FAM216A: variants seen among roughly 807,000 people sequenced by gnomAD.
The protein encoded by FAM216A is family with sequence similarity 216 member A, also known as protein FAM216A.
A neutral mutation model predicts 37.6 loss-of-function variants in FAM216A; 26 were observed. That is an observed-to-expected ratio of 0.69 (90% CI 0.51 to 0.96). The LOEUF (loss-of-function observed/expected upper bound fraction) is 0.96. Ranked by LOEUF, FAM216A falls within the 40% of genes least tolerant of loss-of-function variation. The pLI is 0.00. For missense variants in FAM216A, 326 were observed against 339.3 expected, an observed-to-expected ratio of 0.96 and a Z score of 0.31; for synonymous variants, 110 against 121.7, an observed-to-expected ratio of 0.90 and a Z score of 0.64.
At chr12:110,478,606 G>A (rs1297466924) in intron 2 of FAM216A, among the ~76,000 whole-genome samples, 2 of 152,068 alleles carry the variant, frequency 1.3e-5, no homozygotes, top group African/African-American at 2.4e-5. Flanking sequence ...AAGATGAAGA[G>A]AGCCACATGT....
chr12:110,486,470 G>C lies in FAM216A; in HGVS notation c.436+16G>C, dbSNP rs747643642. ...CAAAAGCCAGGCAGGTGCACCTCCA[G>C]TTGTCTTTTCACTAGTTTTTACAAT... On this transcript the variant is annotated intron_variant, in intron 4 of 6. Transcript: ENST00000377673. 1 of 1,608,994 alleles carries C rather than the reference G, an allele frequency of 6.2e-7. No individual in the cohort carries two copies. Among genetic ancestry groups the C allele is most frequent in the South Asian group, 1.1e-5 (1 of 90,894 alleles).
chr12:110,479,510 A>G (rs1415469114), intron 2 of FAM216A, among the ~76,000 whole-genome samples: 5 of 151,640 alleles, frequency 3.3e-5, no homozygotes, highest in Admixed American at 2.6e-4. Context: ...AGTAGTTTCT[A>G]AAGTGCTAAC....
chr12:110,486,643 T>C lies in FAM216A; in HGVS notation c.546T>C (p.Ser182=). 6.2e-7 allele frequency: 1 copy of C among 1,614,210 alleles called. No individual in the cohort carries two copies. Among genetic ancestry groups the C allele is most frequent in the Non-Finnish European group, 8.5e-7 (1 of 1,180,036 alleles). Residue 182 remains serine, a synonymous_variant, in exon 5 of 7, where the codon TCT becomes TCC. Coordinates refer to ENST00000377673, the MANE Select transcript of FAM216A (RefSeq NM_013300.3). ...TGGAGAGAGAGGACTCGGGGTCTTC[T>C]GATATCGCAGCTGCATCTGCACCTG... ...HQLEREDSGS[S]DIAAASAPEM...
chr12:110,468,591 G>T (rs1301172293), upstream of FAM216A: 1 of 1,537,246 alleles, frequency 6.5e-7, no homozygotes, highest in Non-Finnish European at 8.7e-7. Flanking sequence ...ATGTGCTGAG[G>T]ATCTGGAATA....
At chr12:110,469,695 A>G (rs2062669541) in intron 1 of FAM216A, among the ~76,000 whole-genome samples, 1 of 151,700 alleles carries the variant, frequency 6.6e-6, no homozygotes, top group Non-Finnish European at 1.5e-5. Context: ...TTTTTAGTAG[A>G]GAGGTGGTTT....
Position 110,490,002 on chromosome 12 carries a change from T to A in FAM216A, c.704-17T>A, listed in dbSNP as rs1565855982. On this transcript the variant is annotated splice_polypyrimidine_tract_variant and intron_variant, in intron 6 of 6. Coordinates refer to ENST00000377673, the MANE Select transcript of FAM216A (RefSeq NM_013300.3). Reference sequence around the variant, plus strand: ...ATTTCCAAAACAGACAATTGTAAATTCTTATTTTTCCTTCAGTTTCTTCAG... The same window carrying A: ...ATTTCCAAAACAGACAATTGTAAATACTTATTTTTCCTTCAGTTTCTTCAG... 1 of 1,151,804 alleles carries A rather than the reference T, an allele frequency of 8.7e-7. No homozygotes were observed. The highest frequency in any genetic ancestry group is 1.3e-6 in the Non-Finnish European group (1 of 764,412). 71.3% of individuals were successfully genotyped at this position (1,151,804 alleles called of 1,614,324 possible).
chr12:110,469,150 G>A, intron 1 of FAM216A, 132 bp downstream of exon 1: 1 of 1,092,954 alleles, frequency 9.1e-7, no homozygotes, highest in South Asian at 2.1e-5. Flanking sequence ...GTGCCCTCAA[G>A]TGAGAGGCGG....
At chr12:110,480,736 C>G (rs970519538) in intron 2 of FAM216A, among the ~76,000 whole-genome samples, 2 of 152,062 alleles carry the variant, frequency 1.3e-5, no homozygotes, top group South Asian at 4.1e-4. Flanking sequence ...AACTCCGTAC[C>G]TATAAAACAC....
rs575404891 is a variant in FAM216A at position 110,469,127 on chromosome 12, G to A, written c.143+109G>A. 2.1e-5 allele frequency: 27 copies of A among 1,269,994 alleles called. No homozygotes were observed. In the African/African-American group the frequency reaches 3.9e-4, roughly 19 times the overall value. The allele number at this position is 1,269,994 out of a possible 1,614,324, so 78.7% of individuals were successfully genotyped here. On this transcript the variant is annotated intron_variant, in intron 1 of 6. Coordinates refer to ENST00000377673, the MANE Select transcript of FAM216A (RefSeq NM_013300.3). ...GGGCTGCGGCCGACCTCTCGTCTCGGGGGCTGGCCCCGGTGCCCTCAAGTG... is the reference window on the plus strand; with the variant it reads ...GGGCTGCGGCCGACCTCTCGTCTCGAGGGCTGGCCCCGGTGCCCTCAAGTG...
At chr12:110,475,777 C>G (rs948752209) in intron 2 of FAM216A, among the ~76,000 whole-genome samples, 2 of 151,878 alleles carry the variant, frequency 1.3e-5, no homozygotes, top group African/African-American at 4.8e-5. Flanking sequence ...TGTACTCTAT[C>G]CCCCAGGCAG....
At chr12:110,480,822 A>G (rs1242677828) in intron 2 of FAM216A, among the ~76,000 whole-genome samples, 1 of 151,724 alleles carries the variant, frequency 6.6e-6, no homozygotes, top group African/African-American at 2.4e-5. Flanking sequence ...GGATCGCTGG[A>G]GCCCAGGAGT....
chr12:110,469,091 C>T (rs2062661707), intron 1 of FAM216A, 73 bp downstream of exon 1: 19 of 1,347,478 alleles, frequency 1.4e-5, no homozygotes, highest in Non-Finnish European at 1.8e-5. Context: ...GGTCGTGAGC[C>T]CCGTGGAGGA....
At chr12:110,477,982 C>G (rs1160844555) in intron 2 of FAM216A, among the ~76,000 whole-genome samples, 2 of 152,206 alleles carry the variant, frequency 1.3e-5, no homozygotes, top group African/African-American at 4.8e-5. Flanking sequence ...GCTGGGATTA[C>G]AGGCGTGAGC....
rs780550969 is a variant in FAM216A, at chr12:110,486,444, A to T, written c.426A>T (p.Ser142=). 9.9e-6 allele frequency: 16 copies of T among 1,611,958 alleles called. No homozygotes were observed. In the East Asian group the frequency reaches 3.3e-4, roughly 34 times the overall value. ...RQYMHVLQHS[S]QKPGVLTHHR... is the part of the protein sequence containing the mutation. ...ACATGCACGTACTTCAGCACAGCTC[A>T]CAAAAGCCAGGCAGGTGCACCTCCA... Residue 142 remains serine, a synonymous_variant, in exon 4 of 7, where the codon TCA becomes TCT. Coordinates refer to ENST00000377673, the MANE Select transcript of FAM216A (RefSeq NM_013300.3).
rs776614006 is a variant in FAM216A, at chr12:110,486,710, AAAG to A, written c.617_619del (p.Glu206del). 15 of 1,612,892 alleles carry A rather than the reference AAAG, an allele frequency of 9.3e-6. No homozygotes were observed. The highest frequency in any genetic ancestry group is 3.3e-4 in the Middle Eastern group (2 of 6,050). ...TTCCCTTTGGCGGCCAGTGAGAAAC[AAAG>A]AAGGGTCTGTTTCTTAGTGTAAAAG... On this transcript the variant is annotated inframe_deletion, in exon 5 of 7. Coordinates refer to ENST00000377673, the MANE Select transcript of FAM216A (RefSeq NM_013300.3).
At chr12:110,476,211 T>G (rs2062713626) in intron 2 of FAM216A, among the ~76,000 whole-genome samples, 1 of 151,970 alleles carries the variant, frequency 6.6e-6, no homozygotes, top group Admixed American at 6.6e-5. Flanking sequence ...ATGTTTTTTT[T>G]TTTTTTGAGA....
In FAM216A at chr12:110,468,905, T is replaced by C; in HGVS notation, c.30T>C (p.Ala10=). Residue 10 remains alanine, a synonymous_variant, in exon 1 of 7, where the codon GCT becomes GCC. Coordinates refer to ENST00000377673, the MANE Select transcript of FAM216A (RefSeq NM_013300.3). MLGQLLPHT[A]RGLGAAEMPG... is the part of the protein sequence containing the mutation. Reference sequence around the variant, plus strand: ...TGGGACAGCTGCTCCCGCACACGGCTCGCGGTCTCGGCGCCGCGGAGATGC... The same window carrying C: ...TGGGACAGCTGCTCCCGCACACGGCCCGCGGTCTCGGCGCCGCGGAGATGC... 1 of 1,520,234 alleles carries C rather than the reference T, an allele frequency of 6.6e-7. No homozygotes were observed. Among genetic ancestry groups the C allele is most frequent in the Non-Finnish European group, 8.8e-7 (1 of 1,136,310 alleles). The allele number at this position is 1,520,234 out of a possible 1,614,324, so 94.2% of individuals were successfully genotyped here.
upstream of FAM216A, chr12:110,468,816 C>T: frequency 6.8e-7 from 1 of 1,460,146 alleles, no homozygotes; most frequent in Non-Finnish European, 9.0e-7. Context: ...GAGAAGCCAG[C>T]ATCCGAGCCG....
chr12:110,469,449 C>T (rs555322733), intron 1 of FAM216A, among the ~76,000 whole-genome samples: 98 of 152,268 alleles, frequency 6.4e-4, no homozygotes, highest in African/African-American at 1.9e-3. Flanking sequence ...AGTTCCTTCC[C>T]TCTAGTGACA....
Sources: allele counts gnomAD v4.1 joint callset (sites outside exome capture counted in the v4.1 genomes callset), GRCh38; gene constraint gnomAD v4.1.1; transcripts MANE v1.5; gene names NCBI Gene and HGNC (gene_info 2026-07-23, HGNC 2026-07-21).